Variants in RANBP17 observed in about 807,000 individuals in gnomAD.
RANBP17 encodes RAN binding protein 17, also known as ran-binding protein 17.
In RANBP17, 158 loss-of-function variants were observed where a neutral mutation model predicts 141.2. The ratio of observed to expected loss-of-function variants is 1.12; its 90% CI spans 0.98 to 1.28. RANBP17 has a LOEUF of 1.28. RANBP17 is among the 50% of genes most tolerant of loss of function. The pLI, the probability that RANBP17 is intolerant of heterozygous loss-of-function variation, is 0.00. For synonymous variants in RANBP17, 430 were observed against 450.0 expected, an observed-to-expected ratio of 0.96 and a Z score of 0.56; for missense variants, 1,438 against 1,290.7, an observed-to-expected ratio of 1.11 and a Z score of -1.75.
intron 14 of RANBP17, among the ~76,000 whole-genome samples, chr5:171,059,340 T>C (rs1173579380): frequency 6.6e-6 from 1 of 152,266 alleles, no homozygotes; most frequent in Non-Finnish European, 1.5e-5. Context: ...TAATTTTTGT[T>C]TAAGGTATAA....
At chr5:171,008,246 G>C (rs1779789620) in intron 14 of RANBP17, among the ~76,000 whole-genome samples, 1 of 152,200 alleles carries the variant, frequency 6.6e-6, no homozygotes, top group South Asian at 2.1e-4. Context: ...AGCGAGAGAG[G>C]CTGGAGAAGA....
intron 16 of RANBP17, among the ~76,000 whole-genome samples, chr5:171,181,596 T>C (rs1001972160): frequency 3.9e-5 from 6 of 152,216 alleles, no homozygotes; most frequent in Admixed American, 3.3e-4. Context: ...ATATTTTAAA[T>C]AAGCAGGTAT....
intron 14 of RANBP17, among the ~76,000 whole-genome samples, chr5:171,066,412 T>C (rs1784315728): frequency 6.6e-6 from 1 of 152,202 alleles, no homozygotes; most frequent in Admixed American, 6.5e-5. Context: ...TAAGTTAGAT[T>C]ATGCAATATT....
intron 20 of RANBP17, 89 bp from the exon 21 acceptor site, chr5:171,213,542 C>A: frequency 1.2e-6 from 1 of 858,890 alleles, no homozygotes; most frequent in Non-Finnish European, 2.0e-6. Context: ...AATGTGGATT[C>A]CCTTTTGTGT....
chr5:171,019,585 C>G (rs1449437722), intron 14 of RANBP17, among the ~76,000 whole-genome samples: 1 of 152,114 alleles, frequency 6.6e-6, no homozygotes. Context: ...GTTTGAATTT[C>G]TGTGAGGTCA....
At chr5:171,209,485 A>C (rs915014451) in intron 20 of RANBP17, among the ~76,000 whole-genome samples, 1 of 152,188 alleles carries the variant, frequency 6.6e-6, no homozygotes, top group African/African-American at 2.4e-5. Context: ...ACTGTTCAGC[A>C]AGCTATTTTT....
intron 12 of RANBP17, among the ~76,000 whole-genome samples, chr5:170,931,324 T>C (rs964682226): frequency 6.6e-6 from 1 of 152,242 alleles, no homozygotes; most frequent in Non-Finnish European, 1.5e-5. Context: ...TTTTGTCAGA[T>C]GGGTAGATTG....
Position 171,170,339 on chromosome 5 carries a change from G to A in RANBP17, c.1784+136G>A, listed in dbSNP as rs547524830. ...AAAATTATGCTTTGTTAGAATGTTA[G>A]CATTGTTCTTAATTGAAACTTAATT... On this transcript the variant is annotated intron_variant, in intron 15 of 27. Transcript: ENST00000523189. The A allele has an allele frequency of 8.1e-5, 36 of 441,844 alleles. No homozygotes were observed. In the South Asian group the frequency reaches 1.3e-3, roughly 16 times the overall value. The allele number at this position is 441,844 out of a possible 1,614,324, so 27.4% of individuals were successfully genotyped here. A position where few individuals can be genotyped will look rare whatever the true frequency, so the allele number is the denominator to read the frequency against.
chr5:170,904,632 T>C (rs1030666986), intron 5 of RANBP17, among the ~76,000 whole-genome samples: 6 of 152,196 alleles, frequency 3.9e-5, no homozygotes, highest in African/African-American at 1.4e-4. Context: ...TACCAGTGTG[T>C]GAAATTAGTG....
chr5:171,197,087 A>G (rs1052841308), intron 18 of RANBP17, among the ~76,000 whole-genome samples: 1 of 152,260 alleles, frequency 6.6e-6, no homozygotes, highest in South Asian at 2.1e-4. Flanking sequence ...GAGTAAGATT[A>G]CATGGCTTAA....
At chr5:171,071,410 A>G (rs1018911350) in intron 14 of RANBP17, among the ~76,000 whole-genome samples, 2 of 152,032 alleles carry the variant, frequency 1.3e-5, no homozygotes, top group African/African-American at 4.8e-5. Context: ...AAAATTTGAA[A>G]TGGAAAAAGA....
rs990450534 is a variant in RANBP17, at chr5:170,871,764, A to G, written c.19-6333A>G. ...CTAACCAGTTTTCCCAGCACCATCT[A>G]TTAAATAGGGAATTCTCTCCCCATT... is the stretch of plus-strand genomic sequence containing the variant. On this transcript the variant is annotated intron_variant, in intron 1 of 27. Coordinates refer to ENST00000523189, the MANE Select transcript of RANBP17 (RefSeq NM_022897.5). Among the ~76,000 whole-genome samples the G allele has an allele frequency of 2.6e-5, 4 of 152,172 alleles. No individual in the cohort carries two copies. The South Asian group carries it at 8.3e-4, about 31-fold the overall frequency.
intron 14 of RANBP17, among the ~76,000 whole-genome samples, chr5:171,122,730 C>T (rs895940461): frequency 2.0e-5 from 3 of 152,214 alleles, no homozygotes; most frequent in African/African-American, 7.2e-5. Context: ...TTGTAGTCCA[C>T]GCAGTGGCAT....
At chr5:171,091,871 G>A (rs1786311970) in intron 14 of RANBP17, among the ~76,000 whole-genome samples, 1 of 152,094 alleles carries the variant, frequency 6.6e-6, no homozygotes, top group East Asian at 1.9e-4. Context: ...TCTTTCTTTT[G>A]TAAATCGCCC....
Position 170,986,945 on chromosome 5 carries a change from G to C in RANBP17, c.1710+18568G>C, listed in dbSNP as rs115861307. On this transcript the variant is annotated intron_variant, in intron 14 of 27. Transcript: ENST00000523189. ...ACTACAACTTTAAGTGCAATCCAAT[G>C]TTAAAATAATGTACTAGCTGCTGTT... is the stretch of plus-strand genomic sequence containing the variant. Among the ~76,000 whole-genome samples the C allele has an allele frequency of 5.4e-3, 819 of 151,912 alleles. 5 individuals carry two copies. The highest frequency in any genetic ancestry group is 0.019 in the African/African-American group (775 of 41,518).
intron 14 of RANBP17, among the ~76,000 whole-genome samples, chr5:171,088,897 C>G (rs1785936102): frequency 2.0e-5 from 3 of 151,874 alleles, no homozygotes; most frequent in Admixed American, 2.0e-4. Flanking sequence ...ACTTCTTTGC[C>G]TTTGGTTTGA....
intron 24 of RANBP17, among the ~76,000 whole-genome samples, chr5:171,261,914 C>T (rs1164945495): frequency 1.3e-5 from 2 of 152,178 alleles, no homozygotes; most frequent in Non-Finnish European, 2.9e-5. Context: ...GCCCTGTGAT[C>T]CTTATGATTC....
chr5:171,155,574 A>T (rs1758842813), intron 14 of RANBP17, among the ~76,000 whole-genome samples: 1 of 152,186 alleles, frequency 6.6e-6, no homozygotes, highest in African/African-American at 2.4e-5. Flanking sequence ...AATGAAATAA[A>T]CTTATTTCCG....
intron 14 of RANBP17, among the ~76,000 whole-genome samples, chr5:171,103,226 T>C (rs976075890): frequency 1.3e-5 from 2 of 152,172 alleles, no homozygotes; most frequent in Admixed American, 6.5e-5. Flanking sequence ...AGGTGCTCTG[T>C]CCCAGGGAGA....
Sources: allele counts gnomAD v4.1 joint callset (sites outside exome capture counted in the v4.1 genomes callset), GRCh38; gene constraint gnomAD v4.1.1; transcripts MANE v1.5; gene names NCBI Gene and HGNC (gene_info 2026-07-23, HGNC 2026-07-21).